Variants in MYO10 observed in about 807,000 individuals in gnomAD.
MYO10 encodes unconventional myosin-X.
Under a neutral mutation model 257.3 loss-of-function variants are expected in MYO10, and 133 were observed. The ratio of observed to expected loss-of-function variants is 0.52; its 90% CI spans 0.45 to 0.60. The LOEUF (loss-of-function observed/expected upper bound fraction) is 0.60. Among genes scored for constraint, MYO10 ranks in the 20% least tolerant of loss-of-function variants. The probability of loss-of-function intolerance (pLI) is 0.00; values close to 1 mark genes in which losing one functional copy is unlikely to be tolerated. For missense variants in MYO10, 2,399 were observed against 2,635.7 expected, an observed-to-expected ratio of 0.91 and a Z score of 1.97; for synonymous variants, 1,104 against 1,028.6, an observed-to-expected ratio of 1.07 and a Z score of -1.40.
At position 16,844,374 on chromosome 5, in the gene MYO10, G is replaced by A. The variant is rs149688564; in HGVS notation, c.121-26207C>T. Among the ~76,000 whole-genome samples, 4 of 152,040 alleles carry A rather than the reference G, an allele frequency of 2.6e-5. No individual in the cohort carries two copies. The East Asian group carries it at 7.7e-4, about 29-fold the overall frequency. ...TCTTTAATGATGTCAATATTTATCC[G>A]CTTTCTCCAACGATTTATCTAACTG... is the stretch of plus-strand genomic sequence containing the variant. On this transcript the variant is annotated intron_variant, in intron 2 of 40. Coordinates refer to ENST00000513610, the MANE Select transcript of MYO10 (RefSeq NM_012334.3).
intron 5 of MYO10, among the ~76,000 whole-genome samples, chr5:16,782,419 A>G (rs26342): frequency 0.013 from 1,936 of 152,284 alleles, 43 homozygotes; most frequent in African/African-American, 0.045. Context: ...GCTGGGTTCC[A>G]ATAAAACTTT....
At chr5:16,912,794 A>C in intron 1 of MYO10, among the ~76,000 whole-genome samples, 1 of 114,146 alleles carries the variant, frequency 8.8e-6, no homozygotes, top group Non-Finnish European at 1.8e-5. Context: ...TCCTTCACCT[A>C]CCACCCTGCA....
Position 16,853,486 on chromosome 5 carries a change from C to G in MYO10, c.120+24123G>C, listed in dbSNP as rs542728248. 2.5e-3 allele frequency among the ~76,000 whole-genome samples: 380 copies of G among 152,278 alleles called. 1 individual carries two copies. The highest frequency in any genetic ancestry group is 8.7e-3 in the African/African-American group (362 of 41,556). On this transcript the variant is annotated intron_variant, in intron 2 of 40. Coordinates refer to ENST00000513610, the MANE Select transcript of MYO10 (RefSeq NM_012334.3). ...CTACAACATTGCCAAAATGTCAAAGCCACCTGCAGTGGTCACTGTCTCTCC... is the reference window on the plus strand; with the variant it reads ...CTACAACATTGCCAAAATGTCAAAGGCACCTGCAGTGGTCACTGTCTCTCC...
intron 1 of MYO10, among the ~76,000 whole-genome samples, chr5:16,883,571 G>T (rs1744816544): frequency 6.6e-6 from 1 of 152,092 alleles, no homozygotes. Context: ...CCTCCTGCTT[G>T]GTGATACCTC....
chr5:16,830,145 C>T (rs75721238), intron 2 of MYO10, among the ~76,000 whole-genome samples: 1 of 151,464 alleles, frequency 6.6e-6, no homozygotes, highest in African/African-American at 2.4e-5. Context: ...CTGAGGTTGA[C>T]GAATTACTTG....
chr5:16,714,007 C>T (rs995787182), intron 19 of MYO10, among the ~76,000 whole-genome samples: 12 of 152,148 alleles, frequency 7.9e-5, no homozygotes, highest in African/African-American at 2.9e-4. Context: ...GATCCATTTA[C>T]TGAATATTTA....
At chr5:16,867,018 G>C (rs1365932214) in intron 2 of MYO10, among the ~76,000 whole-genome samples, 1 of 152,230 alleles carries the variant, frequency 6.6e-6, no homozygotes, top group Non-Finnish European at 1.5e-5. Context: ...TACAAGGAAA[G>C]AGTTCACAGT....
At chr5:16,737,371 C>T (rs867777642) in intron 19 of MYO10, among the ~76,000 whole-genome samples, 127 of 152,288 alleles carry the variant, frequency 8.3e-4, no homozygotes, top group African/African-American at 3.0e-3. Context: ...GAGACAGTGG[C>T]TAGCACAGAG....
intron 1 of MYO10, among the ~76,000 whole-genome samples, 157 bp from the exon 2 acceptor site, chr5:16,877,864 C>T (rs1375703425): frequency 1.3e-5 from 2 of 152,164 alleles, no homozygotes; most frequent in Non-Finnish European, 2.9e-5. Flanking sequence ...CGCAAAGCAT[C>T]ATCCACAGGC....
rs371917654 is a variant in MYO10 at position 16,668,325 on chromosome 5, C to T, written c.6027G>A (p.Thr2009=). 52 of 1,613,782 alleles carry T rather than the reference C, an allele frequency of 3.2e-5. No homozygotes were observed. The African/African-American group carries it at 3.6e-4, about 11-fold the overall frequency. The change falls in exon 40 of 41, where the codon ACG becomes ACA. Residue 2009 remains threonine, a synonymous_variant. Coordinates refer to ENST00000513610, the MANE Select transcript of MYO10 (RefSeq NM_012334.3). ...ILSFGAPLAN[T]YKIVVDEREL... ...CCCTCTCATCGACCACGATCTTATA[C>T]GTATTCGCCAGGGGTGCCCCAAAAG... is the stretch of plus-strand genomic sequence containing the variant.
chr5:16,668,884 A>G (rs1410301463), intron 39 of MYO10, among the ~76,000 whole-genome samples: 1 of 152,144 alleles, frequency 6.6e-6, no homozygotes, highest in East Asian at 1.9e-4. Flanking sequence ...CTCTTTGCGG[A>G]TGGTTAGTCT....
intron 1 of MYO10, among the ~76,000 whole-genome samples, chr5:16,894,213 T>C: frequency 6.6e-6 from 1 of 152,176 alleles, no homozygotes; most frequent in Non-Finnish European, 1.5e-5. Context: ...ATGTCCTTTT[T>C]CCGTCCCAGG....
Position 16,694,504 on chromosome 5 carries a change from C to A in MYO10, c.3667G>T (p.Gly1223Trp), listed in dbSNP as rs1434873123. Residue 1223 changes from glycine to tryptophan, a missense_variant, in exon 27 of 41, where the codon GGG becomes TGG. Transcript: ENST00000513610. ...CTGGACAGCGTGGAGGAGCCCCCCC[C>A]TTTTTTGTGGAGCCAGCCTTGCTTG... is the stretch of plus-strand genomic sequence containing the variant. ...ALKQGWLHKK[G>W]GGSSTLSRRN... 1 of 1,613,892 alleles carries A rather than the reference C, an allele frequency of 6.2e-7. No individual in the cohort carries two copies. Among genetic ancestry groups the A allele is most frequent in the Non-Finnish European group, 8.5e-7 (1 of 1,179,884 alleles).
At chr5:16,910,956 TAAAAAA>T (rs955821252) in intron 1 of MYO10, among the ~76,000 whole-genome samples, 1 of 140,198 alleles carries the variant, frequency 7.1e-6, no homozygotes, top group Non-Finnish European at 1.5e-5. Context: ...AGCTCTTAAA[TAAAAAA>T]AAAGACATTA....
chr5:16,795,262 C>T (rs1279825878), intron 3 of MYO10, among the ~76,000 whole-genome samples: 1 of 152,152 alleles, frequency 6.6e-6, no homozygotes, highest in African/African-American at 2.4e-5. Flanking sequence ...GGGAGAAGGA[C>T]ATTTACAATT....
At chr5:16,692,215 G>A (rs917355520) in intron 27 of MYO10, among the ~76,000 whole-genome samples, 6 of 152,190 alleles carry the variant, frequency 3.9e-5, no homozygotes, top group Non-Finnish European at 1.5e-5. Flanking sequence ...GAGGTTAGGA[G>A]TTTGAGACCA....
intron 1 of MYO10, among the ~76,000 whole-genome samples, chr5:16,904,461 A>C (rs1295120255): frequency 6.6e-6 from 1 of 152,188 alleles, no homozygotes; most frequent in Non-Finnish European, 1.5e-5. Context: ...TGTGACTATC[A>C]TCAAAAATGG....
intron 19 of MYO10, among the ~76,000 whole-genome samples, chr5:16,748,196 G>A (rs6877683): frequency 0.044 from 6,716 of 151,918 alleles, 447 homozygotes; most frequent in African/African-American, 0.14. Context: ...CAGCCTCTCA[G>A]GTAGCCGGGA....
chr5:16,689,522 C>T (rs1737395667), intron 28 of MYO10, among the ~76,000 whole-genome samples: 1 of 151,970 alleles, frequency 6.6e-6, no homozygotes, highest in African/African-American at 2.4e-5. Flanking sequence ...CAGCTTCATG[C>T]AGCTGTATAA....
Sources: allele counts gnomAD v4.1 joint callset (sites outside exome capture counted in the v4.1 genomes callset), GRCh38; gene constraint gnomAD v4.1.1; transcripts MANE v1.5; gene names NCBI Gene and HGNC (gene_info 2026-07-23, HGNC 2026-07-21).